TENM1: variants seen among roughly 807,000 people sequenced by gnomAD.
TENM1 encodes the protein teneurin-1.
A neutral mutation model predicts 174.8 loss-of-function variants in TENM1; 35 were observed. The ratio of observed to expected loss-of-function variants is 0.20; its 90% CI spans 0.15 to 0.27. The LOEUF (loss-of-function observed/expected upper bound fraction) is 0.27, where lower values mean the gene tolerates loss of function less well. Ranked by LOEUF, TENM1 falls within the 10% of genes least tolerant of loss-of-function variation. The probability of loss-of-function intolerance (pLI) is 1.00; values close to 1 mark genes in which losing one functional copy is unlikely to be tolerated. For synonymous variants in TENM1, 781 were observed against 798.7 expected (o/e 0.98, Z 0.37); for missense variants, 1,633 against 2,130.1 (o/e 0.77, Z 4.59).
intron 4 of TENM1, among the ~76,000 whole-genome samples, chrX:124,724,978 G>A (rs919086286): frequency 9.0e-6 from 1 of 111,616 alleles, no homozygotes; most frequent in African/African-American, 3.3e-5. Context: ...ATAACGTGCT[G>A]TATATGAAGA....
At chrX:124,406,465 G>A (rs960869) in exon 26 of TENM1, 1 of 1,205,428 alleles carries the variant, frequency 8.3e-7, no homozygotes, top group Admixed American at 2.2e-5. Context: ...ACGTTGCATT[G>A]GTCAGGTGTC....
At chrX:124,480,820 T>TACAC (rs770532429) in intron 22 of TENM1, among the ~76,000 whole-genome samples, 4 of 110,353 alleles carry the variant, frequency 3.6e-5, no homozygotes, top group African/African-American at 9.8e-5. Flanking sequence ...TGCATGCAGA[T>TACAC]ACACACACAC....
chrX:125,073,602 G>A, the TENM1 span, among the ~76,000 whole-genome samples: 1 of 110,859 alleles, frequency 9.0e-6, no homozygotes, highest in African/African-American at 3.3e-5. Context: ...TTCTGTATCT[G>A]TTGATTGTCA....
At chrX:124,892,082 A>G (rs913080004) in intron 3 of TENM1, among the ~76,000 whole-genome samples, 1 of 111,858 alleles carries the variant, frequency 8.9e-6, no homozygotes, top group Non-Finnish European at 1.9e-5. Context: ...TAAAAATGAC[A>G]TAGAATAAAG....
intron 14 of TENM1, among the ~76,000 whole-genome samples, chrX:124,559,867 G>GT (rs2048773759): frequency 9.0e-6 from 1 of 111,186 alleles, no homozygotes; most frequent in Non-Finnish European, 1.9e-5. Flanking sequence ...ATAATTAGGT[G>GT]TTTGATTGTA....
At chrX:124,917,419 G>A (rs909857930) in intron 1 of TENM1, among the ~76,000 whole-genome samples, 5 of 111,831 alleles carry the variant, frequency 4.5e-5, no homozygotes, top group African/African-American at 1.6e-4. Flanking sequence ...GCCTAGAGAT[G>A]AATTAGCAAA....
chrX:125,082,445 C>T, the TENM1 span, among the ~76,000 whole-genome samples: 1 of 111,157 alleles, frequency 9.0e-6, no homozygotes, highest in South Asian at 3.8e-4. Context: ...GGGCCCCATA[C>T]AAACTGGCCC....
intron 1 of TENM1, among the ~76,000 whole-genome samples, chrX:124,956,797 C>A (rs2058580260): frequency 8.9e-6 from 1 of 111,894 alleles, no homozygotes; most frequent in African/African-American, 3.2e-5. Context: ...TAGGTTTTGC[C>A]ACATTAATAT....
intron 14 of TENM1, among the ~76,000 whole-genome samples, chrX:124,556,563 C>T (rs2048700251): frequency 8.9e-6 from 1 of 111,854 alleles, no homozygotes; most frequent in South Asian, 3.8e-4. Context: ...GCTCATTCCT[C>T]TCATTAAACA....
At chrX:124,489,597 C>T (rs1194254561) in intron 20 of TENM1, among the ~76,000 whole-genome samples, 3 of 111,570 alleles carry the variant, frequency 2.7e-5, no homozygotes, top group African/African-American at 9.8e-5. Flanking sequence ...TAAATTGAAC[C>T]GTTAAATATT....
At chrX:124,857,235 A>T (rs1340325624) in intron 3 of TENM1, among the ~76,000 whole-genome samples, 1 of 110,980 alleles carries the variant, frequency 9.0e-6, no homozygotes, top group African/African-American at 3.3e-5. Context: ...GGGAAAAATA[A>T]TTTTTATCCA....
intron 8 of TENM1, among the ~76,000 whole-genome samples, chrX:124,651,076 A>G (rs1003938924): frequency 8.9e-6 from 1 of 112,195 alleles, no homozygotes; most frequent in African/African-American, 3.2e-5. Context: ...TGAGGATTGT[A>G]TTGAAAATTG....
rs780019311 is a variant in TENM1 at position 124,789,887 on chromosome X, G to A, written c.536-52690C>T. On this transcript the variant is annotated intron_variant, in intron 3 of 31. Transcript: ENST00000422452. ...ATTTTTAGGTATTTTTTTCAGTAGC[G>A]CCTCATTCTACTGGTACCAATTTAC... 1.8e-4 allele frequency among the ~76,000 whole-genome samples: 20 copies of A among 111,199 alleles called. No homozygotes were observed. In the South Asian group the frequency reaches 6.5e-3, roughly 36 times the overall value.
At chrX:124,532,092 T>C (rs1170172962) in intron 15 of TENM1, among the ~76,000 whole-genome samples, 3 of 111,591 alleles carry the variant, frequency 2.7e-5, no homozygotes, top group Non-Finnish European at 5.7e-5. Flanking sequence ...TTTGGGAGTA[T>C]GGTGGGGGTT....
At chrX:124,476,766 G>A (rs367661883) in intron 22 of TENM1, among the ~76,000 whole-genome samples, 4 of 112,206 alleles carry the variant, frequency 3.6e-5, no homozygotes, top group African/African-American at 1.3e-4. Context: ...TGACTCATTA[G>A]TTTCAGTTCT....
At chrX:124,881,737 T>G (rs919812679) in intron 3 of TENM1, among the ~76,000 whole-genome samples, 2 of 107,198 alleles carry the variant, frequency 1.9e-5, no homozygotes, top group Non-Finnish European at 3.9e-5. Context: ...TTTGTTTTGT[T>G]TTTTTTTTTT....
intron 3 of TENM1, among the ~76,000 whole-genome samples, chrX:124,802,688 T>C (rs1489639571): frequency 8.9e-6 from 1 of 112,012 alleles, no homozygotes; most frequent in African/African-American, 3.2e-5. Flanking sequence ...CACATGCTGT[T>C]ATGGTTCTTT....
chrX:124,811,130 A>C (rs960411230), intron 3 of TENM1, among the ~76,000 whole-genome samples: 7 of 111,614 alleles, frequency 6.3e-5, no homozygotes, highest in African/African-American at 1.9e-4. Flanking sequence ...TTTGACCTCA[A>C]AAGCACAGGC....
At chrX:124,602,700 G>T (rs2148283605) in intron 11 of TENM1, among the ~76,000 whole-genome samples, 1 of 110,086 alleles carries the variant, frequency 9.1e-6, no homozygotes, top group South Asian at 3.9e-4. Flanking sequence ...TATTTTCACG[G>T]TTTTAATGGT....
Sources: gnomAD v4.1 joint callset for allele counts (sites outside exome capture counted in the v4.1 genomes callset) on GRCh38, gnomAD v4.1.1 for gene constraint, MANE v1.5 for transcripts, NCBI Gene and HGNC (gene_info 2026-07-23, HGNC 2026-07-21) for gene names.